Variants in ZNF385B observed in about 807,000 individuals in gnomAD.
The protein encoded by ZNF385B is zinc finger protein 385B.
In ZNF385B, 23 loss-of-function variants were observed where a neutral mutation model predicts 39.2. The ratio of observed to expected loss-of-function variants is 0.59; its 90% CI spans 0.42 to 0.83. The LOEUF is 0.83. ZNF385B is among the 40% of genes least tolerant of loss of function. The pLI, the probability that ZNF385B is intolerant of heterozygous loss-of-function variation, is 0.00. For synonymous variants in ZNF385B, 205 were observed against 222.6 expected (o/e 0.92, Z 0.70); for missense variants, 552 against 598.9 (o/e 0.92, Z 0.82).
rs74952704 is a variant in ZNF385B, at chr2:179,563,364, T to C, written c.299-18395A>G. On this transcript the variant is annotated intron_variant, in intron 3 of 9. Transcript: ENST00000410066. ...CATTGATACTGATGAGTTAGCTTAG[T>C]GGGCATTTGAATGAATAAAAGAAAC... 2.7e-3 allele frequency among the ~76,000 whole-genome samples: 410 copies of C among 152,322 alleles called. 1 individual carries two copies. Among genetic ancestry groups the C allele is most frequent in the African/African-American group, 9.5e-3 (397 of 41,592 alleles).
intron 3 of ZNF385B, among the ~76,000 whole-genome samples, chr2:179,583,190 C>T (rs1345266011): frequency 1.3e-5 from 2 of 152,022 alleles, no homozygotes; most frequent in Non-Finnish European, 2.9e-5. Context: ...TTTTGAGTAC[C>T]ACGGTCACAC....
At chr2:179,473,529 G>GA (rs1489026955) in intron 6 of ZNF385B, among the ~76,000 whole-genome samples, 11 of 151,936 alleles carry the variant, frequency 7.2e-5, no homozygotes, top group East Asian at 3.9e-4. Flanking sequence ...TCCCATTTCT[G>GA]AAAAAAAATT....
At chr2:179,519,496 G>A in intron 4 of ZNF385B, among the ~76,000 whole-genome samples, 1 of 152,078 alleles carries the variant, frequency 6.6e-6, no homozygotes, top group East Asian at 1.9e-4. Flanking sequence ...TGGCTTGCAT[G>A]TATTATATAT....
rs998661708 is a variant in ZNF385B, at chr2:179,442,150, C to G, written c.*1100G>C. 1 of 152,532 alleles carries G rather than the reference C, an allele frequency of 6.6e-6. No homozygotes were observed. Among genetic ancestry groups the G allele is most frequent in the Non-Finnish European group, 1.5e-5 (1 of 68,020 alleles). 9.4% of individuals were successfully genotyped at this position (152,532 alleles called of 1,614,324 possible). On this transcript the variant is annotated 3_prime_UTR_variant, in exon 10 of 10. Transcript: ENST00000410066. ...AACATTCCAGTCTTGTTGATATCGG[C>G]TTAGAAAGGGGGGCATGGGAGCATG...
At chr2:179,729,331 C>G (rs1559137553) in intron 3 of ZNF385B, among the ~76,000 whole-genome samples, 1 of 152,114 alleles carries the variant, frequency 6.6e-6, no homozygotes, top group African/African-American at 2.4e-5. Context: ...TTTGAGACAG[C>G]TGGAGGTGGA....
Position 179,642,926 on chromosome 2 carries a change from C to T in ZNF385B, c.299-97957G>A, listed in dbSNP as rs568047643. ...CTAAGTATCTCTGCTGTGTATCATGCGGAAGTATCATGACTGTCTCAACAA... is the reference window on the plus strand; with the variant it reads ...CTAAGTATCTCTGCTGTGTATCATGTGGAAGTATCATGACTGTCTCAACAA... On this transcript the variant is annotated intron_variant, in intron 3 of 9. Transcript: ENST00000410066. 2.0e-4 allele frequency among the ~76,000 whole-genome samples: 31 copies of T among 152,174 alleles called. No homozygotes were observed. In the South Asian group the frequency reaches 3.5e-3, roughly 17 times the overall value.
chr2:179,845,290 T>C (rs937159511), intron 1 of ZNF385B, among the ~76,000 whole-genome samples: 3 of 152,128 alleles, frequency 2.0e-5, no homozygotes, highest in East Asian at 1.9e-4. Context: ...ATACAATAAA[T>C]TGAAGAAGGG....
intron 3 of ZNF385B, among the ~76,000 whole-genome samples, chr2:179,694,869 G>GAAC (rs1409343201): frequency 2.6e-5 from 4 of 152,068 alleles, no homozygotes; most frequent in African/African-American, 9.7e-5. Context: ...GGTGGAGGTT[G>GAAC]CAGTGAGCCG....
intron 6 of ZNF385B, among the ~76,000 whole-genome samples, chr2:179,478,467 TA>T (rs1449336896): frequency 6.6e-6 from 1 of 152,334 alleles, no homozygotes; most frequent in East Asian, 1.9e-4. Flanking sequence ...TGAAAACATA[TA>T]TGTAACTGCG....
chr2:179,493,748 T>TATAC (rs2055733082), intron 5 of ZNF385B, among the ~76,000 whole-genome samples: 5 of 125,058 alleles, frequency 4.0e-5, no homozygotes, highest in Non-Finnish European at 3.5e-5. Context: ...TATACATATG[T>TATAC]GTATATACAT....
At chr2:179,860,359 C>T (rs1190809310) in intron 1 of ZNF385B, among the ~76,000 whole-genome samples, 1 of 152,170 alleles carries the variant, frequency 6.6e-6, no homozygotes, top group African/African-American at 2.4e-5. Context: ...TGTGTGTCCT[C>T]CAGAGTCTAG....
chr2:179,783,089 A>G (rs1704768201), intron 1 of ZNF385B, among the ~76,000 whole-genome samples: 1 of 152,212 alleles, frequency 6.6e-6, no homozygotes, highest in African/African-American at 2.4e-5. Context: ...ATTATCCTAC[A>G]GGACTACAGT....
At chr2:179,769,442 A>G in intron 3 of ZNF385B, 61 bp downstream of exon 3, 1 of 1,591,770 alleles carries the variant, frequency 6.3e-7, no homozygotes, top group Non-Finnish European at 8.6e-7. Flanking sequence ...TAAATCCTTC[A>G]TTTTCCAGAC....
At chr2:179,745,817 A>C in intron 3 of ZNF385B, 1 of 1,420,314 alleles carries the variant, frequency 7.0e-7, no homozygotes, top group African/African-American at 1.5e-5. Context: ...GATAATGCAC[A>C]GCGCTACCGA....
At chr2:179,611,450 T>C (rs1029385518) in intron 3 of ZNF385B, among the ~76,000 whole-genome samples, 5 of 152,218 alleles carry the variant, frequency 3.3e-5, no homozygotes, top group Admixed American at 6.5e-5. Flanking sequence ...TTGCTAACAT[T>C]TTGTTGAGGT....
intron 1 of ZNF385B, among the ~76,000 whole-genome samples, chr2:179,816,003 AACACAC>A (rs151173257): frequency 6.7e-6 from 1 of 149,880 alleles, no homozygotes; most frequent in Non-Finnish European, 1.5e-5. Context: ...ACTTACATAT[AACACAC>A]ACACACACAC....
At chr2:179,577,225 A>C (rs1210258324) in intron 3 of ZNF385B, among the ~76,000 whole-genome samples, 1 of 152,122 alleles carries the variant, frequency 6.6e-6, no homozygotes, top group African/African-American at 2.4e-5. Context: ...GACTAAAGGG[A>C]TCTTATTTTT....
At chr2:179,837,094 T>C (rs1297529690) in intron 1 of ZNF385B, among the ~76,000 whole-genome samples, 1 of 152,202 alleles carries the variant, frequency 6.6e-6, no homozygotes, top group African/African-American at 2.4e-5. Context: ...CAGCTGAGCA[T>C]ATAATTTTTA....
chr2:179,652,493 A>T (rs2106250345), intron 3 of ZNF385B, among the ~76,000 whole-genome samples: 1 of 152,248 alleles, frequency 6.6e-6, no homozygotes, highest in East Asian at 1.9e-4. Flanking sequence ...AGCACACATT[A>T]CTAGCAGTGA....
Sources: gnomAD v4.1 joint callset for allele counts (sites outside exome capture counted in the v4.1 genomes callset) on GRCh38, gnomAD v4.1.1 for gene constraint, MANE v1.5 for transcripts, NCBI Gene and HGNC (gene_info 2026-07-23, HGNC 2026-07-21) for gene names.